ANKRD36: variants seen among roughly 807,000 people sequenced by gnomAD.
The protein encoded by ANKRD36 is ankyrin repeat domain 36, also known as ankyrin repeat domain-containing protein 36A.
Under a neutral mutation model 278.1 loss-of-function variants are expected in ANKRD36, and 179 were observed. The ratio of observed to expected loss-of-function variants is 0.64; its 90% CI spans 0.57 to 0.73. ANKRD36 has a LOEUF of 0.73. ANKRD36 is among the 30% of genes least tolerant of loss of function. The probability of loss-of-function intolerance (pLI) is 0.00; values close to 1 mark genes in which losing one functional copy is unlikely to be tolerated. For synonymous variants in ANKRD36, 320 were observed against 641.1 expected, an observed-to-expected ratio of 0.50 and a Z score of 7.57; for missense variants, 1,159 against 1,956.7, an observed-to-expected ratio of 0.59 and a Z score of 7.69.
intron 66 of ANKRD36, among the ~76,000 whole-genome samples, chr2:97,220,308 T>C (rs1255996626): frequency 6.7e-6 from 1 of 149,312 alleles, no homozygotes; most frequent in Non-Finnish European, 1.5e-5. Context: ...AGTCATGTTT[T>C]TGTGCTATAA....
chr2:97,207,332 A>G (rs2063146362), intron 52 of ANKRD36, among the ~76,000 whole-genome samples: 1 of 151,462 alleles, frequency 6.6e-6, no homozygotes, highest in Non-Finnish European at 1.5e-5. Flanking sequence ...TGTACGTTCA[A>G]CTGAATTGTC....
intron 42 of ANKRD36, among the ~76,000 whole-genome samples, chr2:97,197,595 A>G (rs552257561): frequency 3.3e-5 from 5 of 152,026 alleles, no homozygotes; most frequent in Middle Eastern, 3.4e-3. Context: ...AGCGAATGAC[A>G]TGATACTCCC....
chr2:97,144,736 T>G lies in ANKRD36; in HGVS notation c.1003+24T>G, dbSNP rs565921670. ...AGGTAATTTTGCAATACACATTTAATGCCATGTACAGTCAAGATAGAGAAC... is the reference window on the plus strand; with the variant it reads ...AGGTAATTTTGCAATACACATTTAAGGCCATGTACAGTCAAGATAGAGAAC... On this transcript the variant is annotated intron_variant, in intron 10 of 75. Transcript: ENST00000420699. 1.0e-5 allele frequency: 16 copies of G among 1,542,698 alleles called. No homozygotes were observed. In the African/African-American group the frequency reaches 1.9e-4, roughly 18 times the overall value.
chr2:97,222,854 C>G (rs1197929506), intron 66 of ANKRD36, among the ~76,000 whole-genome samples: 5 of 152,040 alleles, frequency 3.3e-5, no homozygotes, highest in Admixed American at 6.6e-5. Context: ...ACTGATTTTA[C>G]TAAGAAACCT....
Position 97,183,597 on chromosome 2 carries a change from A to G in ANKRD36, c.1882A>G (p.Lys628Glu). ...TTCCATTCAGGTTATATTTAAAAAG[A>G]AAGTTTCTCTTTTGAATATTGCCAC... ...QSAWKVIFKK[K>E]VSLLNIATRI... Residue 628 changes from lysine to glutamate, a missense_variant, in exon 28 of 76, where the codon AAA becomes GAA. Coordinates refer to ENST00000420699, the MANE Select transcript of ANKRD36 (RefSeq NM_001354587.1). The G allele has an allele frequency of 1.3e-6, 2 of 1,562,198 alleles. No homozygotes were observed. The highest frequency in any genetic ancestry group is 1.7e-6 in the Non-Finnish European group (2 of 1,153,660).
At chr2:97,198,336 G>A in intron 42 of ANKRD36, 127 bp from the exon 43 acceptor site, 1 of 1,526,042 alleles carries the variant, frequency 6.6e-7, no homozygotes, top group Non-Finnish European at 8.9e-7. Flanking sequence ...CAGACACAAA[G>A]TAGAAGCCAT....
rs1276757009 is a variant in ANKRD36 at position 97,118,350 on chromosome 2, C to CA, written c.321dup (p.Leu108ThrfsTer34). 1 of 1,610,428 alleles carries CA rather than the reference C, an allele frequency of 6.2e-7. No homozygotes were observed. The highest frequency in any genetic ancestry group is 8.5e-7 in the Non-Finnish European group (1 of 1,178,626). The stretch of plus-strand genomic sequence containing the variant: ...CTCGGTCTAATACTGACAGGCTGTA[C>CA]AACTGAGGCAGGAGGCTTGTGCAAC... On this transcript the variant is annotated frameshift_variant, in exon 3 of 76. Transcript: ENST00000420699. LOFTEE classifies it high-confidence loss of function.
intron 26 of ANKRD36, among the ~76,000 whole-genome samples, chr2:97,182,174 C>G (rs1280113545): frequency 1.3e-5 from 2 of 151,248 alleles, no homozygotes; most frequent in African/African-American, 4.8e-5. Flanking sequence ...ATGGTAATAA[C>G]CCATAAACAC....
intron 17 of ANKRD36, among the ~76,000 whole-genome samples, chr2:97,161,507 G>A (rs555399016): frequency 6.6e-6 from 1 of 152,062 alleles, no homozygotes; most frequent in Admixed American, 6.6e-5. Flanking sequence ...ATCTGTATAT[G>A]TCTTTCAGGG....
chr2:97,226,765 C>A lies in ANKRD36; in HGVS notation c.3951+1886C>A, dbSNP rs1252242388. ...AGGGTTTTTATGGTTTTAGGTCTAA[C>A]GTTTAAGCCTTTAATCCATCTTGAA... On this transcript the variant is annotated intron_variant, in intron 67 of 75. Transcript: ENST00000420699. 2.6e-5 allele frequency among the ~76,000 whole-genome samples: 4 copies of A among 151,516 alleles called. No homozygotes were observed. In the South Asian group the frequency reaches 8.6e-4, roughly 33 times the overall value.
intron 66 of ANKRD36, among the ~76,000 whole-genome samples, chr2:97,223,028 TTAA>T (rs1368077304): frequency 2.0e-5 from 3 of 152,020 alleles, no homozygotes; most frequent in Non-Finnish European, 4.4e-5. Flanking sequence ...TAAAATGTTA[TTAA>T]TAAGTCTGTG....
chr2:97,220,387 C>G (rs2067086261), intron 66 of ANKRD36, among the ~76,000 whole-genome samples: 1 of 150,534 alleles, frequency 6.6e-6, no homozygotes, highest in Non-Finnish European at 1.5e-5. Flanking sequence ...TTCCTACCAC[C>G]CCCACACCCT....
At chr2:97,144,575 A>G (rs1368557754) in intron 9 of ANKRD36, 29 bp downstream of exon 9, 4 of 1,573,760 alleles carry the variant, frequency 2.5e-6, no homozygotes, top group Non-Finnish European at 3.4e-6. Flanking sequence ...TATTTTGAAT[A>G]ATTAACTGTA....
At chr2:97,184,708 A>C (rs1340767168) in intron 28 of ANKRD36, among the ~76,000 whole-genome samples, 1 of 151,746 alleles carries the variant, frequency 6.6e-6, no homozygotes, top group Non-Finnish European at 1.5e-5. Context: ...ACTAGAGGAT[A>C]CAAGAAATGT....
intron 48 of ANKRD36, among the ~76,000 whole-genome samples, chr2:97,203,151 T>A (rs1297684083): frequency 6.6e-6 from 1 of 151,788 alleles, no homozygotes; most frequent in Non-Finnish European, 1.5e-5. Flanking sequence ...TTCAAGGAGC[T>A]ACCTCTTGGA....
rs969673495 is a variant in ANKRD36 at position 97,207,027 on chromosome 2, T to C, written c.3164-784T>C. ...TAAAATGCTCATTTTCAATGAATAT[T>C]GCAGTGATTTCTGAATGAAAAACTG... On this transcript the variant is annotated intron_variant, in intron 52 of 75. Transcript: ENST00000420699. Among the ~76,000 whole-genome samples the C allele has an allele frequency of 2.0e-5, 3 of 151,692 alleles. No individual in the cohort carries two copies. In the East Asian group the frequency reaches 5.8e-4, roughly 30 times the overall value.
intron 36 of ANKRD36, 31 bp downstream of exon 36, chr2:97,191,212 T>C: frequency 6.5e-7 from 1 of 1,550,154 alleles, no homozygotes; most frequent in East Asian, 2.4e-5. Flanking sequence ...TAATGTCATA[T>C]TCAGTCCAGA....
chr2:97,211,796 T>C lies in ANKRD36; in HGVS notation c.3469+55T>C, dbSNP rs2064716121. On this transcript the variant is annotated intron_variant, in intron 58 of 75. Transcript: ENST00000420699. The stretch of plus-strand genomic sequence containing the variant: ...TTCGGTCAGGGTAGAAGAGAACTTC[T>C]CTTCACCAAATAAAACAGCGGGGGG... 9.9e-6 allele frequency: 15 copies of C among 1,514,102 alleles called. No homozygotes were observed. In the South Asian group the frequency reaches 1.4e-4, roughly 14 times the overall value. The allele number at this position is 1,514,102 out of a possible 1,614,324, so 93.8% of individuals were successfully genotyped here.
chr2:97,143,347 C>G (rs1490681329), intron 8 of ANKRD36, among the ~76,000 whole-genome samples: 1 of 151,984 alleles, frequency 6.6e-6, no homozygotes, highest in Non-Finnish European at 1.5e-5. Context: ...TTTGGGGTTT[C>G]TGCTGCAGAA....
Sources: allele counts gnomAD v4.1 joint callset (sites outside exome capture counted in the v4.1 genomes callset), GRCh38; gene constraint gnomAD v4.1.1; transcripts MANE v1.5; gene names NCBI Gene and HGNC (gene_info 2026-07-23, HGNC 2026-07-21).